ZNF800: variants seen among roughly 807,000 people sequenced by gnomAD.
ZNF800 encodes zinc finger protein 800.
Under a neutral mutation model 59.5 loss-of-function variants are expected in ZNF800, and 13 were observed. The observed-to-expected ratio is 0.22, with a 90% CI of 0.14 to 0.35. The LOEUF (loss-of-function observed/expected upper bound fraction) is 0.35, where lower values mean the gene tolerates loss of function less well. ZNF800 is among the 10% of genes least tolerant of loss of function. The probability of loss-of-function intolerance (pLI) is 1.00; values close to 1 mark genes in which losing one functional copy is unlikely to be tolerated. For missense variants in ZNF800, 621 were observed against 783.7 expected (o/e 0.79, Z 2.48); for synonymous variants, 266 against 265.7 (o/e 1.00, Z -0.01).
At chr7:127,380,314 T>C (rs1800937158) in intron 3 of ZNF800, among the ~76,000 whole-genome samples, 1 of 152,178 alleles carries the variant, frequency 6.6e-6, no homozygotes, top group African/African-American at 2.4e-5. Flanking sequence ...TGACTGATAT[T>C]TGCTAAATGA....
At chr7:127,382,536 A>G (rs1439059474) in intron 3 of ZNF800, among the ~76,000 whole-genome samples, 1 of 152,194 alleles carries the variant, frequency 6.6e-6, no homozygotes, top group African/African-American at 2.4e-5. Context: ...AGCCAAAGCC[A>G]AACTACACAA....
At chr7:127,373,276 G>C in intron 5 of ZNF800, 66 bp downstream of exon 5, 1 of 1,522,220 alleles carries the variant, frequency 6.6e-7, no homozygotes, top group Non-Finnish European at 8.8e-7. Flanking sequence ...TATAAATTAT[G>C]GTCAAATGAT....
chr7:127,386,276 G>A (rs1008410276), intron 2 of ZNF800, 121 bp from the exon 3 acceptor site: 33 of 539,920 alleles, frequency 6.1e-5, no homozygotes, highest in South Asian at 1.0e-4. Context: ...ACTTGTGCCC[G>A]CACACACACA....
In ZNF800 at chr7:127,374,078, G is replaced by A; in HGVS notation, c.1258C>T (p.Pro420Ser). The A allele has an allele frequency of 6.2e-7, 1 of 1,614,078 alleles. No homozygotes were observed. Among genetic ancestry groups the A allele is most frequent in the Non-Finnish European group, 8.5e-7 (1 of 1,180,006 alleles). The stretch of plus-strand genomic sequence containing the variant: ...TGTGGAGAATGGGTAATGGAAGGGG[G>A]TGAAGATTCTACAGAATCTGCTGGT... Reference protein sequence around the residue: ...VEPADSVESSPPSITHSPQNE... With the variant: ...VEPADSVESSSPSITHSPQNE... The change falls in exon 5 of 6, where the codon CCC (proline) becomes TCC (serine). Residue 420 changes from proline (P) to serine (S), a missense_variant. Around this residue, in one of 7 missense-constraint regions of ZNF800, gnomAD observed 185 missense variants for 177.6 expected, o/e 1.04. Coordinates refer to ENST00000265827, the MANE Select transcript of ZNF800 (RefSeq NM_176814.5).
chr7:127,345,188 C>T (rs570979936), downstream of ZNF800, among the ~76,000 whole-genome samples: 1 of 152,220 alleles, frequency 6.6e-6, no homozygotes, highest in Non-Finnish European at 1.5e-5. Context: ...ATTTCTTGTG[C>T]ACCTAATATG....
At chr7:127,363,236 G>A (rs1228705787) in intron 1 of ZNF800, 1 of 151,960 alleles carries the variant, frequency 6.6e-6, no homozygotes, top group Non-Finnish European at 1.5e-5. Context: ...AAAACAAATG[G>A]TCTTATAATA....
Position 127,377,348 on chromosome 7 carries a change from G to T in ZNF800, c.158-19C>A. ...TTAGTTCCTGAGAGAAAAAAGAAAA[G>T]AAAAACTTAACACAAAAGGTAACTT... On this transcript the variant is annotated intron_variant, in intron 3 of 5. Transcript: ENST00000265827. The surrounding 1 kb of genome is among the most constrained non-coding windows in gnomAD (Gnocchi z 4.7). The T allele has an allele frequency of 1.3e-6, 2 of 1,573,964 alleles. No individual in the cohort carries two copies. Among genetic ancestry groups the T allele is most frequent in the Non-Finnish European group, 8.6e-7 (1 of 1,160,094 alleles).
At chr7:127,353,417 C>G (rs566898159) in intron 1 of ZNF800, among the ~76,000 whole-genome samples, 55 of 152,226 alleles carry the variant, frequency 3.6e-4, no homozygotes, top group African/African-American at 1.3e-3. Context: ...TTGAGGATAA[C>G]ACACGTAAAA....
chr7:127,356,041 A>G (rs1800263739), intron 1 of ZNF800, among the ~76,000 whole-genome samples: 1 of 152,020 alleles, frequency 6.6e-6, no homozygotes, highest in African/African-American at 2.4e-5. Context: ...TTTGCCATTG[A>G]TTAAGTTTGT....
intron 1 of ZNF800, among the ~76,000 whole-genome samples, chr7:127,356,917 G>A (rs918762552): frequency 6.6e-6 from 1 of 151,898 alleles, no homozygotes; most frequent in African/African-American, 2.4e-5. Context: ...TTACTATATT[G>A]AAACTTGACA....
At chr7:127,388,669 A>AT (rs1801217191) in intron 2 of ZNF800, among the ~76,000 whole-genome samples, 2 of 152,198 alleles carry the variant, frequency 1.3e-5, no homozygotes, top group Admixed American at 1.3e-4. Context: ...ACAGCACCTC[A>AT]TTTTAAAGCT....
At chr7:127,379,192 A>G (rs1800880517) in intron 3 of ZNF800, among the ~76,000 whole-genome samples, 1 of 152,196 alleles carries the variant, frequency 6.6e-6, no homozygotes, top group Non-Finnish European at 1.5e-5. Context: ...TTCACATTAC[A>G]AAATATCTTG....
At chr7:127,378,889 C>G (rs1800870162) in intron 3 of ZNF800, among the ~76,000 whole-genome samples, 1 of 152,042 alleles carries the variant, frequency 6.6e-6, no homozygotes, top group Non-Finnish European at 1.5e-5. Context: ...AATCTTTATA[C>G]TTTGGTTTAC....
intron 5 of ZNF800, among the ~76,000 whole-genome samples, chr7:127,372,337 G>A (rs530699143): frequency 9.0e-4 from 136 of 151,892 alleles, no homozygotes; most frequent in Non-Finnish European, 1.6e-3. Flanking sequence ...AAAATTAGCC[G>A]GGTGTGGTGG....
intron 1 of ZNF800, among the ~76,000 whole-genome samples, chr7:127,353,268 T>C (rs1448938423): frequency 1.3e-5 from 2 of 152,184 alleles, no homozygotes; most frequent in African/African-American, 4.8e-5. Context: ...ATCATCTCCA[T>C]AGGAGAGAAA....
downstream of ZNF800, among the ~76,000 whole-genome samples, chr7:127,344,760 T>C (rs1800027615): frequency 6.6e-6 from 1 of 152,090 alleles, no homozygotes; most frequent in Non-Finnish European, 1.5e-5. Flanking sequence ...TTTAAAACAG[T>C]AGAAAAGTGA....
At chr7:127,380,629 C>T (rs1800950306) in intron 3 of ZNF800, among the ~76,000 whole-genome samples, 1 of 152,194 alleles carries the variant, frequency 6.6e-6, no homozygotes, top group African/African-American at 2.4e-5. Flanking sequence ...ACACAGCCAA[C>T]TCTAAGTGCC....
chr7:127,344,537 G>A (rs1026518400), downstream of ZNF800, among the ~76,000 whole-genome samples: 23 of 151,962 alleles, frequency 1.5e-4, no homozygotes, highest in Admixed American at 3.9e-4. Context: ...GCTTATCTGC[G>A]AGAATACATG....
rs1243987932 is a variant in ZNF800 at position 127,386,159 on chromosome 7, C to T, written c.62-4G>A. 1.3e-6 allele frequency: 2 copies of T among 1,596,192 alleles called. No individual in the cohort carries two copies. Among genetic ancestry groups the T allele is most frequent in the Non-Finnish European group, 8.6e-7 (1 of 1,165,598 alleles). On this transcript the variant is annotated splice_polypyrimidine_tract_variant and splice_region_variant and intron_variant, in intron 2 of 5. Transcript: ENST00000265827. ...TCTCCAGGTTCCAGGATATAAACTA[C>T]ATGGAAGACAAACACCCACCCCAAT...
Sources: gnomAD v4.1 joint callset for allele counts (sites outside exome capture counted in the v4.1 genomes callset) on GRCh38, gnomAD v4.1.1 for gene constraint, gnomAD v4.1.1 regional missense constraint, Gnocchi (gnomAD v3.1) non-coding constraint, MANE v1.5 for transcripts, NCBI Gene and HGNC (gene_info 2026-07-23, HGNC 2026-07-21) for gene names.